PRSS56: variants seen among roughly 807,000 people sequenced by gnomAD.
PRSS56 encodes serine protease 56.
PRSS56 carries 55 observed loss-of-function variants against 66.8 expected under a neutral mutation model. The ratio of observed to expected loss-of-function variants is 0.82; its 90% CI spans 0.66 to 1.03. PRSS56 has a LOEUF of 1.03. PRSS56 is among the 50% of genes least tolerant of loss of function. The probability of loss-of-function intolerance (pLI) is 0.00; values close to 1 mark genes in which losing one functional copy is unlikely to be tolerated. For missense variants in PRSS56, 869 were observed against 837.2 expected (o/e 1.04, Z -0.47); for synonymous variants, 409 against 387.9 (o/e 1.05, Z -0.64).
At position 232,525,519 on chromosome 2, in the gene PRSS56, C is replaced by G. The variant is rs1012378462; in HGVS notation, c.*13C>G. Reference sequence around the variant, plus strand: ...CAGGCAACCCTGAGCCATGTCTGGGCCCCCAGCCCCTGGGGAGGACCTACT... The same window carrying G: ...CAGGCAACCCTGAGCCATGTCTGGGGCCCCAGCCCCTGGGGAGGACCTACT... On this transcript the variant is annotated 3_prime_UTR_variant, in exon 13 of 13. Transcript: ENST00000617714. The G allele has an allele frequency of 2.8e-6, 4 of 1,450,542 alleles. No individual in the cohort carries two copies. The East Asian group carries it at 1.0e-4, about 37-fold the overall frequency. The allele number at this position is 1,450,542 out of a possible 1,614,324, so 89.9% of individuals were successfully genotyped here. A position where few individuals can be genotyped will look rare whatever the true frequency, so the allele number is the denominator to read the frequency against.
chr2:232,523,637 A>T (rs1045249011), intron 8 of PRSS56, 59 bp downstream of exon 8: 18 of 1,503,646 alleles, frequency 1.2e-5, no homozygotes, highest in Non-Finnish European at 1.6e-5. Context: ...CCGTGGGACA[A>T]GCCCGTTTCC....
intron 2 of PRSS56, 50 bp downstream of exon 2, chr2:232,521,478 C>T (rs1398866210): frequency 7.2e-7 from 1 of 1,390,962 alleles, no homozygotes; most frequent in Non-Finnish European, 9.9e-7. Flanking sequence ...CTACCCTGGG[C>T]CCATTCTGCT....
At position 232,524,971 on chromosome 2, in the gene PRSS56, TG is replaced by T. The variant is rs547054195; in HGVS notation, c.1521+132del. On this transcript the variant is annotated intron_variant, in intron 12 of 12. Coordinates refer to ENST00000617714, the MANE Select transcript of PRSS56 (RefSeq NM_001195129.2). The stretch of plus-strand genomic sequence containing the variant: ...CCTGGGGTCGCCTCTGCCCCAGCTC[TG>T]GGGGTAGGTAGAGGGTCCGAGGGGA... 1.8e-3 allele frequency: 1,211 copies of T among 655,230 alleles called. 9 individuals carry two copies. In the African/African-American group the frequency reaches 0.024, roughly 13 times the overall value. The allele number at this position is 655,230 out of a possible 1,614,324, so 40.6% of individuals were successfully genotyped here.
In PRSS56 at chr2:232,525,612, G is replaced by T; in HGVS notation, c.*106G>T. On this transcript the variant is annotated 3_prime_UTR_variant, in exon 13 of 13. Transcript: ENST00000617714. The stretch of plus-strand genomic sequence containing the variant: ...TGTCGCTGCCCCAGTGGCTGGGTGT[G>T]TGTGGGTGGGATGGGGTGGGGGTCC... 2.1e-6 allele frequency: 1 copy of T among 469,820 alleles called. No individual in the cohort carries two copies. The highest frequency in any genetic ancestry group is 7.6e-5 in the East Asian group (1 of 13,108). The allele number at this position is 469,820 out of a possible 1,614,324, so 29.1% of individuals were successfully genotyped here. A position where few individuals can be genotyped will look rare whatever the true frequency, so the allele number is the denominator to read the frequency against.
chr2:232,524,409 T>C, intron 11 of PRSS56, 40 bp downstream of exon 11: 1 of 1,524,092 alleles, frequency 6.6e-7, no homozygotes, highest in Non-Finnish European at 8.8e-7. Flanking sequence ...GGGGATAGGC[T>C]GAGGGCCTGG....
rs1039337390 is a variant in PRSS56 at position 232,520,553 on chromosome 2, G to A, written c.-46G>A. The A allele has an allele frequency of 8.1e-6, 12 of 1,474,996 alleles. No homozygotes were observed. The highest frequency in any genetic ancestry group is 1.7e-4 in the Middle Eastern group (1 of 5,896). 91.4% of individuals were successfully genotyped at this position (1,474,996 alleles called of 1,614,324 possible). A position where few individuals can be genotyped will look rare whatever the true frequency, so the allele number is the denominator to read the frequency against. On this transcript the variant is annotated 5_prime_UTR_variant, in exon 1 of 13. Coordinates refer to ENST00000617714, the MANE Select transcript of PRSS56 (RefSeq NM_001195129.2). Reference sequence around the variant, plus strand: ...GATAGGCACCCGGAAGGTGGACTCCGAGGAGGAGAGAGGACAGGGGTCTCT... The same window carrying A: ...GATAGGCACCCGGAAGGTGGACTCCAAGGAGGAGAGAGGACAGGGGTCTCT...
Position 232,523,808 on chromosome 2 carries a change from T to G in PRSS56, c.1049T>G (p.Leu350Arg). Residue 350 changes from leucine (L) to arginine (R), a missense_variant, in exon 9 of 13, where the codon CTG (leucine) becomes CGG (arginine). By Grantham distance (102) the Leu-to-Arg change is moderately radical (BLOSUM62 -2). This residue lies in a region of PRSS56 where 551 missense variants were observed against 506.9 expected (regional missense o/e 1.09). Transcript: ENST00000617714. ...CGCGAGCCCAGCTGCAGGGAGCTTC[T>G]GGCCTGGGACCCCCCCCAGGAGCTG... is the stretch of plus-strand genomic sequence containing the variant. ...SSREPSCREL[L>R]AWDPPQELQA... 1 of 1,533,854 alleles carries G rather than the reference T, an allele frequency of 6.5e-7. No individual in the cohort carries two copies. The highest frequency in any genetic ancestry group is 8.7e-7 in the Non-Finnish European group (1 of 1,146,640).
Position 232,520,706 on chromosome 2 carries a change from G to T in PRSS56, c.97+11G>T. On this transcript the variant is annotated intron_variant, in intron 1 of 12. Coordinates refer to ENST00000617714, the MANE Select transcript of PRSS56 (RefSeq NM_001195129.2). ...CCAGCGCCCTGCAAGGTAAGTCCAG[G>T]CTGGCCCGAGAGCCGCGGGGTTGGG... 2 of 1,512,058 alleles carry T rather than the reference G, an allele frequency of 1.3e-6. No individual in the cohort carries two copies. The highest frequency in any genetic ancestry group is 1.8e-6 in the Non-Finnish European group (2 of 1,126,626). The allele number at this position is 1,512,058 out of a possible 1,614,324, so 93.7% of individuals were successfully genotyped here.
chr2:232,523,047 C>T lies in PRSS56; in HGVS notation c.707-13C>T. 6.5e-7 allele frequency: 1 copy of T among 1,533,768 alleles called. No homozygotes were observed. The highest frequency in any genetic ancestry group is 8.7e-7 in the Non-Finnish European group (1 of 1,145,638). On this transcript the variant is annotated splice_polypyrimidine_tract_variant and intron_variant, in intron 6 of 12. Transcript: ENST00000617714. ...TGCCCTCCAAACCTGAGCCTTCCAC[C>T]CCTTCCCTGCAGACGGGCCTGAGGC...
chr2:232,520,907 C>A (rs559019339), intron 1 of PRSS56, among the ~76,000 whole-genome samples: 184 of 152,152 alleles, frequency 1.2e-3, no homozygotes, highest in Non-Finnish European at 2.2e-3. Context: ...GTTGAGCATG[C>A]CGAAAGGAAT....
At chr2:232,522,913 G>A (rs1691315236) in intron 6 of PRSS56, 52 bp downstream of exon 6, 17 of 1,457,188 alleles carry the variant, frequency 1.2e-5, no homozygotes, top group Non-Finnish European at 1.5e-5. Context: ...GGGGTCCGAG[G>A]TAATAGAGTG....
chr2:232,525,375 G>C lies in PRSS56; in HGVS notation c.1681G>C (p.Ala561Pro). Reference sequence around the variant, plus strand: ...CCGGCTGCTGGTGCAGGCCCTGCAGGCCTTCCGCGTGGCTGCCCTGGCAGA... The same window carrying C: ...CCGGCTGCTGGTGCAGGCCCTGCAGCCCTTCCGCGTGGCTGCCCTGGCAGA... ...LPRLLVQALQAFRVAALAEGE... is the reference protein window; with the variant it reads ...LPRLLVQALQPFRVAALAEGE... The change falls in exon 13 of 13, where the codon GCC becomes CCC. Residue 561 changes from alanine (A) to proline (P), a missense_variant. Around this residue, in one of 3 missense-constraint regions of PRSS56, gnomAD observed 551 missense variants for 506.9 expected, o/e 1.09. Coordinates refer to ENST00000617714, the MANE Select transcript of PRSS56 (RefSeq NM_001195129.2). 1 of 1,533,740 alleles carries C rather than the reference G, an allele frequency of 6.5e-7. No individual in the cohort carries two copies. Among genetic ancestry groups the C allele is most frequent in the Non-Finnish European group, 8.7e-7 (1 of 1,146,026 alleles).
At position 232,522,061 on chromosome 2, in the gene PRSS56, G is replaced by T; in HGVS notation, c.347G>T (p.Trp116Leu). The T allele has an allele frequency of 6.6e-7, 1 of 1,512,852 alleles. No homozygotes were observed. Among genetic ancestry groups the T allele is most frequent in the Non-Finnish European group, 8.8e-7 (1 of 1,137,154 alleles). The allele number at this position is 1,512,852 out of a possible 1,614,324, so 93.7% of individuals were successfully genotyped here. A position where few individuals can be genotyped will look rare whatever the true frequency, so the allele number is the denominator to read the frequency against. The change falls in exon 4 of 13, where the codon TGG (tryptophan) becomes TTG (leucine). Residue 116 changes from tryptophan to leucine, a missense_variant. Coordinates refer to ENST00000617714, the MANE Select transcript of PRSS56 (RefSeq NM_001195129.2). ...VGGSAAPPGAWPWLVRLQLGG... is the reference protein window; with the variant it reads ...VGGSAAPPGALPWLVRLQLGG... ...GGCAGCGCGGCGCCGCCCGGGGCCT[G>T]GCCCTGGCTGGTGAGGCTGCAGCTC...
At chr2:232,521,255 G>A (rs1691269325) in intron 1 of PRSS56, 66 bp from the exon 2 acceptor site, 2 of 1,311,380 alleles carry the variant, frequency 1.5e-6, no homozygotes, top group Non-Finnish European at 2.1e-6. Flanking sequence ...TCAGGGCTGG[G>A]GCCAGGAGGA....
chr2:232,521,356 G>A lies in PRSS56; in HGVS notation c.133G>A (p.Ala45Thr). 6.5e-7 allele frequency: 1 copy of A among 1,536,120 alleles called. No homozygotes were observed. Among genetic ancestry groups the A allele is most frequent in the Non-Finnish European group, 8.7e-7 (1 of 1,146,898 alleles). ...CCAGGGGACTCAGGCGTTGCAGGCAGCCCAGAGGAGCGCCCAGTGGGCAAT... is the reference window on the plus strand; with the variant it reads ...CCAGGGGACTCAGGCGTTGCAGGCAACCCAGAGGAGCGCCCAGTGGGCAAT... Reference protein sequence around the residue: ...SAQGTQALQAAQRSAQWAINR... With the variant: ...SAQGTQALQATQRSAQWAINR... Residue 45 changes from alanine (A) to threonine (T), a missense_variant, in exon 2 of 13, where the codon GCC becomes ACC. Physicochemically the swap from Ala to Thr is moderately conservative, Grantham distance 58. Transcript: ENST00000617714.
Position 232,522,744 on chromosome 2 carries a change from C to T in PRSS56, c.589C>T (p.Leu197=), listed in dbSNP as rs1192191199. 2 of 1,533,248 alleles carry T rather than the reference C, an allele frequency of 1.3e-6. No homozygotes were observed. The highest frequency in any genetic ancestry group is 3.9e-5 in the Admixed American group (2 of 50,854). The allele number at this position is 1,533,248 out of a possible 1,614,324, so 95.0% of individuals were successfully genotyped here. ...TFHNDLALVQ[L]WTPVSPGGSA... is the part of the protein sequence containing the mutation. ...CCACAACGACCTGGCCCTGGTGCAG[C>T]TGTGGACGCCGGTGAGCCCGGGGGG... Residue 197 remains leucine (L), a synonymous_variant, in exon 6 of 13, where the codon CTG becomes TTG. Transcript: ENST00000617714.
Position 232,523,916 on chromosome 2 carries a change from A to AGCAGTGCCT in PRSS56, c.1162_1170dup (p.Cys388_Gln390dup). 6.6e-7 allele frequency: 1 copy of AGCAGTGCCT among 1,514,086 alleles called. No individual in the cohort carries two copies. Among genetic ancestry groups the AGCAGTGCCT allele is most frequent in the Non-Finnish European group, 8.8e-7 (1 of 1,136,310 alleles). The allele number at this position is 1,514,086 out of a possible 1,614,324, so 93.8% of individuals were successfully genotyped here. A position where few individuals can be genotyped will look rare whatever the true frequency, so the allele number is the denominator to read the frequency against. On this transcript the variant is annotated inframe_insertion, in exon 9 of 13. Coordinates refer to ENST00000617714, the MANE Select transcript of PRSS56 (RefSeq NM_001195129.2). ...GGCGCCTGTGCGCGCCTGGCGCACC[A>AGCAGTGCCT]GCAGTGCCTGCAGCGCCGGCGGCGA...
chr2:232,522,049 C>T lies in PRSS56; in HGVS notation c.335C>T (p.Pro112Leu), dbSNP rs939077513. 2.7e-5 allele frequency: 40 copies of T among 1,489,658 alleles called. No homozygotes were observed. The Admixed American group carries it at 4.1e-4, about 15-fold the overall frequency. The allele number at this position is 1,489,658 out of a possible 1,614,324, so 92.3% of individuals were successfully genotyped here. A position where few individuals can be genotyped will look rare whatever the true frequency, so the allele number is the denominator to read the frequency against. ...CGCATCGTGGGGGGCAGCGCGGCGC[C>T]GCCCGGGGCCTGGCCCTGGCTGGTG... The part of the protein sequence containing the change: ...HGRIVGGSAA[P>L]PGAWPWLVRL... Residue 112 changes from proline to leucine, a missense_variant, in exon 4 of 13, where the codon CCG becomes CTG. Transcript: ENST00000617714.
In PRSS56 at chr2:232,524,816, C is replaced by A; in HGVS notation, c.1493C>A (p.Ser498Ter). ...GAHAWILQVPSEHLAMNFHEV... is the reference protein window; with the variant it reads ...GAHAWILQVP ...CATGCCTGGATCCTGCAGGTCCCCT[C>A]GGAGCACCTGGCCATGAACTTTCAT... The change falls in exon 12 of 13, where the codon TCG becomes TAG. Residue 498 changes from serine to a stop codon, truncating the protein, a stop_gained. Transcript: ENST00000617714. LOFTEE classifies it low-confidence loss of function (END_TRUNC). 1 of 1,535,636 alleles carries A rather than the reference C, an allele frequency of 6.5e-7. No individual in the cohort carries two copies. Among genetic ancestry groups the A allele is most frequent in the Non-Finnish European group, 8.7e-7 (1 of 1,146,554 alleles).
Sources: gnomAD v4.1 joint callset for allele counts (sites outside exome capture counted in the v4.1 genomes callset) on GRCh38, gnomAD v4.1.1 for gene constraint, gnomAD v4.1.1 regional missense constraint, MANE v1.5 for transcripts, NCBI Gene and HGNC (gene_info 2026-07-23, HGNC 2026-07-21) for gene names.